The following PHF21B variants were observed in gnomAD, a reference collection of about 807,000 sequenced individuals.
The protein encoded by PHF21B is PHD finger protein 21B.
A neutral mutation model predicts 62.2 loss-of-function variants in PHF21B; 22 were observed. The ratio of observed to expected loss-of-function variants is 0.35; its 90% confidence interval spans 0.25 to 0.51. PHF21B has a LOEUF of 0.51. PHF21B is among the 20% of genes least tolerant of loss of function. The pLI, the probability that PHF21B is intolerant of heterozygous loss-of-function variation, is 0.97. For synonymous variants in PHF21B, 341 were observed against 314.7 expected, an observed-to-expected ratio of 1.08 and a Z score of -0.88; for missense variants, 701 against 707.9, an observed-to-expected ratio of 0.99 and a Z score of 0.11.
chr22:45,006,451 G>A (rs2073315587), intron 2 of PHF21B, among the ~76,000 whole-genome samples: 1 of 152,108 alleles, frequency 6.6e-6, no homozygotes, highest in Non-Finnish European at 1.5e-5. Flanking sequence ...AAAGGCAAAG[G>A]CAGCCCGGAG....
chr22:44,941,397 C>T (rs2071953781), intron 2 of PHF21B, among the ~76,000 whole-genome samples: 1 of 152,206 alleles, frequency 6.6e-6, no homozygotes, highest in Admixed American at 6.5e-5. Flanking sequence ...CTCTGTGACT[C>T]GGCCTCTCAA....
At chr22:44,978,074 T>C (rs1193383076) in intron 2 of PHF21B, among the ~76,000 whole-genome samples, 1 of 152,130 alleles carries the variant, frequency 6.6e-6, no homozygotes. Context: ...GGTGGCCACA[T>C]TCTGTTGTAT....
intron 2 of PHF21B, among the ~76,000 whole-genome samples, chr22:44,949,016 G>A (rs544324110): frequency 6.6e-6 from 1 of 152,064 alleles, no homozygotes; most frequent in Non-Finnish European, 1.5e-5. Context: ...GAAAGCTGAG[G>A]TAGGGGCCGG....
intron 9 of PHF21B, among the ~76,000 whole-genome samples, chr22:44,888,643 G>A (rs1220042380): frequency 6.6e-6 from 1 of 152,218 alleles, no homozygotes; most frequent in East Asian, 1.9e-4. Context: ...CCATCCACGT[G>A]TCAACAGCAT....
intron 2 of PHF21B, among the ~76,000 whole-genome samples, chr22:44,952,598 C>T (rs561929092): frequency 3.3e-5 from 5 of 152,200 alleles, no homozygotes; most frequent in East Asian, 3.8e-4. Flanking sequence ...TAATCACTAA[C>T]GGTGACTGCC....
chr22:44,920,588 A>G, intron 2 of PHF21B, 98 bp from the exon 3 acceptor site: 1 of 675,166 alleles, frequency 1.5e-6, no homozygotes, highest in Non-Finnish European at 2.4e-6. Flanking sequence ...TGCCTTGGAG[A>G]CAGCAAATTC....
chr22:45,005,445 C>T (rs1322043122), intron 2 of PHF21B, among the ~76,000 whole-genome samples: 1 of 152,180 alleles, frequency 6.6e-6, no homozygotes, highest in East Asian at 1.9e-4. Context: ...ATTCCCTAGT[C>T]TCCGAATGGT....
At chr22:44,894,254 G>C (rs2071018408) in intron 6 of PHF21B, among the ~76,000 whole-genome samples, 1 of 152,204 alleles carries the variant, frequency 6.6e-6, no homozygotes, top group African/African-American at 2.4e-5. Context: ...TCACAGCAGA[G>C]GTTGGGGAGA....
intron 10 of PHF21B, among the ~76,000 whole-genome samples, chr22:44,886,610 C>T (rs1283149303): frequency 2.6e-5 from 4 of 151,884 alleles, no homozygotes; most frequent in Non-Finnish European, 5.9e-5. Context: ...TTGTTTGAGC[C>T]CCGAAGGTCA....
intron 2 of PHF21B, among the ~76,000 whole-genome samples, chr22:44,933,209 T>C (rs1039662944): frequency 6.6e-6 from 1 of 151,914 alleles, no homozygotes; most frequent in African/African-American, 2.4e-5. Flanking sequence ...CCTCCTGGGT[T>C]CAAGCGATTC....
intron 2 of PHF21B, among the ~76,000 whole-genome samples, chr22:44,998,805 C>T (rs1052559666): frequency 1.3e-5 from 2 of 152,176 alleles, no homozygotes; most frequent in Non-Finnish European, 1.5e-5. Context: ...GCTCTCTCTA[C>T]TCAACTCCTG....
chr22:44,946,852 C>G (rs1022030222), intron 2 of PHF21B, among the ~76,000 whole-genome samples: 1 of 152,190 alleles, frequency 6.6e-6, no homozygotes, highest in African/African-American at 2.4e-5. Flanking sequence ...TTTGGTGACA[C>G]TGTGGAGGCC....
intron 2 of PHF21B, among the ~76,000 whole-genome samples, chr22:44,949,725 C>T (rs892961746): frequency 5.3e-5 from 8 of 152,300 alleles, no homozygotes; most frequent in Admixed American, 4.6e-4. Flanking sequence ...TCAGAGAAGA[C>T]GTGTGTGTAC....
intron 2 of PHF21B, among the ~76,000 whole-genome samples, chr22:44,999,484 G>C (rs1453290603): frequency 6.6e-6 from 1 of 152,066 alleles, no homozygotes; most frequent in African/African-American, 2.4e-5. Flanking sequence ...GGGAGATGCA[G>C]AGACCCAGAC....
In PHF21B at chr22:44,881,679, T is replaced by G. The variant is rs1255350042; in HGVS notation, c.*1407A>C. On this transcript the variant is annotated 3_prime_UTR_variant, in exon 13 of 13. Coordinates refer to ENST00000313237, the MANE Select transcript of PHF21B (RefSeq NM_138415.5). ...ACCTCTGCGTGTGTGCATGCGTGTC[T>G]GTGGTCGTGGCCGCGTGCGATGCAC... The G allele has an allele frequency of 6.5e-6, 1 of 152,692 alleles. No homozygotes were observed. The highest frequency in any genetic ancestry group is 1.5e-5 in the Non-Finnish European group (1 of 68,034). The allele number at this position is 152,692 out of a possible 1,614,324, so 9.5% of individuals were successfully genotyped here. A position where few individuals can be genotyped will look rare whatever the true frequency, so the allele number is the denominator to read the frequency against.
chr22:44,889,647 G>A, intron 9 of PHF21B, 113 bp downstream of exon 9: 1 of 1,302,586 alleles, frequency 7.7e-7, no homozygotes, highest in Non-Finnish European at 1.1e-6. Flanking sequence ...GAACCGAAAG[G>A]CCTTCTGCAC....
Position 45,009,124 on chromosome 22 carries a change from C to CGGGGCGCG in PHF21B, c.54+364_54+371dup. ...CTTCTGCACACCGGGCAGGTTCGCC[C>CGGGGCGCG]GGGGCGCGGGGGCCCGAGGGGAGGC... is the stretch of plus-strand genomic sequence containing the variant. On this transcript the variant is annotated intron_variant, in intron 1 of 12. Transcript: ENST00000313237. This position sits in a 1 kb window ranked among gnomAD's most constrained non-coding sequence, Gnocchi z 5.9. 1 of 803,644 alleles carries CGGGGCGCG rather than the reference C, an allele frequency of 1.2e-6. No homozygotes were observed. The highest frequency in any genetic ancestry group is 1.6e-6 in the Non-Finnish European group (1 of 616,410). 49.8% of individuals were successfully genotyped at this position (803,644 alleles called of 1,614,324 possible).
At chr22:44,978,910 A>G (rs2072786934) in intron 2 of PHF21B, among the ~76,000 whole-genome samples, 1 of 152,224 alleles carries the variant, frequency 6.6e-6, no homozygotes, top group African/African-American at 2.4e-5. Flanking sequence ...CTGCATCTGG[A>G]GATCCCAGGT....
intron 2 of PHF21B, among the ~76,000 whole-genome samples, chr22:44,930,258 G>A (rs2071714040): frequency 6.6e-6 from 1 of 152,224 alleles, no homozygotes; most frequent in Non-Finnish European, 1.5e-5. Flanking sequence ...CTGTGGAGGG[G>A]AGAGGGAGAG....
Sources: gnomAD v4.1 joint callset for allele counts (sites outside exome capture counted in the v4.1 genomes callset) on GRCh38, gnomAD v4.1.1 for gene constraint, Gnocchi (gnomAD v3.1) non-coding constraint, MANE v1.5 for transcripts, NCBI Gene and HGNC (gene_info 2026-07-23, HGNC 2026-07-21) for gene names.